The following IGF2R variants were observed in gnomAD, a reference collection of about 807,000 sequenced individuals.
IGF2R encodes the protein insulin like growth factor 2 receptor, also known as cation-independent mannose-6-phosphate receptor.
In IGF2R, 91 loss-of-function variants were observed where a neutral mutation model predicts 270.6. The ratio of observed to expected loss-of-function variants is 0.34; its 90% CI spans 0.28 to 0.40. The LOEUF (loss-of-function observed/expected upper bound fraction) is 0.40, where lower values mean the gene tolerates loss of function less well. Ranked by LOEUF, IGF2R falls within the 10% of genes least tolerant of loss-of-function variation. The probability of loss-of-function intolerance (pLI) is 1.00; values close to 1 mark genes in which losing one functional copy is unlikely to be tolerated. For synonymous variants in IGF2R, 1,316 were observed against 1,258.9 expected, an observed-to-expected ratio of 1.05 and a Z score of -0.96; for missense variants, 2,805 against 3,188.3, an observed-to-expected ratio of 0.88 and a Z score of 2.90.
chr6:160,005,153 T>C (rs1784196580), intron 2 of IGF2R: 1 of 152,290 alleles, frequency 6.6e-6, no homozygotes, highest in Non-Finnish European at 1.5e-5. Context: ...CTGGGAGCCA[T>C]GGCAGCTGAA....
At chr6:160,095,472 CT>C (rs1305573238) in intron 44 of IGF2R, 1 of 152,170 alleles carries the variant, frequency 6.6e-6, no homozygotes, top group Non-Finnish European at 1.5e-5. Context: ...GCACAAAATT[CT>C]TTATGAATTT....
intron 31 of IGF2R, among the ~76,000 whole-genome samples, 199 bp from the exon 32 acceptor site, chr6:160,071,711 G>GGGAA (rs2115274090): frequency 6.6e-6 from 1 of 152,272 alleles, no homozygotes; most frequent in South Asian, 2.1e-4. Flanking sequence ...TTACCTGCAG[G>GGGAA]GGAAGCCCAT....
At chr6:160,063,689 AT>A in intron 27 of IGF2R, 59 bp downstream of exon 27, 1 of 1,328,948 alleles carries the variant, frequency 7.5e-7, no homozygotes, top group Non-Finnish European at 1.0e-6. Flanking sequence ...ATATTAAAAT[AT>A]TTTGCTGAAG....
intron 30 of IGF2R, among the ~76,000 whole-genome samples, chr6:160,069,103 G>A (rs984581295): frequency 1.3e-5 from 2 of 152,026 alleles, no homozygotes; most frequent in Admixed American, 6.6e-5. Flanking sequence ...TTGTATGGTC[G>A]GTCCTTTTGT....
intron 21 of IGF2R, 76 bp downstream of exon 21, chr6:160,058,200 G>A (rs932361344): frequency 1.1e-6 from 1 of 948,172 alleles, no homozygotes; most frequent in Non-Finnish European, 1.7e-6. Flanking sequence ...CCTGCACGTG[G>A]TGATATGAGA....
chr6:160,076,094 A>T (rs1772017567), intron 36 of IGF2R, 98 bp downstream of exon 36: 2 of 1,172,120 alleles, frequency 1.7e-6, no homozygotes, highest in Non-Finnish European at 2.5e-6. Flanking sequence ...GGATACTCTT[A>T]TTCAAAATGT....
At chr6:160,023,308 G>A (rs1002836594) in intron 4 of IGF2R, among the ~76,000 whole-genome samples, 4 of 152,056 alleles carry the variant, frequency 2.6e-5, no homozygotes, top group Non-Finnish European at 5.9e-5. Context: ...TGGGGCAGGG[G>A]GACCTTAAGG....
rs115292577 is a variant in IGF2R, at chr6:160,080,816, A to C, written c.5833+541A>C. ...ACGGACCGTGAGATGAGGGAAATGC[A>C]TGAAAAATTACTAATTTTTGGCCAG... is the stretch of plus-strand genomic sequence containing the variant. On this transcript the variant is annotated intron_variant, in intron 39 of 47. Transcript: ENST00000356956. 7.6e-3 allele frequency among the ~76,000 whole-genome samples: 1,159 copies of C among 152,248 alleles called. 17 individuals carry two copies. The highest frequency in any genetic ancestry group is 0.027 in the African/African-American group (1,107 of 41,550).
intron 4 of IGF2R, among the ~76,000 whole-genome samples, chr6:160,015,325 G>A (rs1435648938): frequency 6.6e-6 from 1 of 152,214 alleles, no homozygotes; most frequent in East Asian, 1.9e-4. Flanking sequence ...TAATTAAAAT[G>A]ATGCCAGTGT....
chr6:160,061,628 T>C lies in IGF2R; in HGVS notation c.3388T>C (p.Tyr1130His). The C allele has an allele frequency of 6.2e-7, 1 of 1,614,162 alleles. No individual in the cohort carries two copies. Among genetic ancestry groups the C allele is most frequent in the South Asian group, 1.1e-5 (1 of 91,076 alleles). ...TTTGAGCGTTTGCAATCCTCTCCCT[T>C]ACATTCCTGGATGCCAGGGTGAGTT... ...FYLSVCNPLP[Y>H]IPGCQGSAVG... Residue 1130 changes from tyrosine to histidine, a missense_variant, in exon 24 of 48, where the codon TAC (tyrosine) becomes CAC (histidine). This residue lies in a region of IGF2R where 1,851 missense variants were observed against 2,207.2 expected (regional missense o/e 0.84). Transcript: ENST00000356956.
chr6:160,073,456 C>T lies in IGF2R; in HGVS notation c.4934C>T (p.Ala1645Val), dbSNP rs1345717154. 6.2e-7 allele frequency: 1 copy of T among 1,614,222 alleles called. No homozygotes were observed. The highest frequency in any genetic ancestry group is 8.5e-7 in the Non-Finnish European group (1 of 1,180,030). Residue 1645 changes from alanine (A) to valine (V), a missense_variant, in exon 34 of 48, where the codon GCC becomes GTC. This residue lies in a region of IGF2R where 1,851 missense variants were observed against 2,207.2 expected (regional missense o/e 0.84). Coordinates refer to ENST00000356956, the MANE Select transcript of IGF2R (RefSeq NM_000876.4). ...TLFFSWHTPL[A>V]CEQATECSVR... is the part of the protein sequence containing the mutation. ...TTCTTCTCCTGGCACACGCCGCTGGCCTGCGAGCAAGCGGTGAGTTTTCAG... is the reference window on the plus strand; with the variant it reads ...TTCTTCTCCTGGCACACGCCGCTGGTCTGCGAGCAAGCGGTGAGTTTTCAG...
chr6:160,048,408 C>G lies in IGF2R; in HGVS notation c.2379C>G (p.Asn793Lys), dbSNP rs1348760257. The G allele has an allele frequency of 1.9e-6, 3 of 1,614,210 alleles. No homozygotes were observed. The Admixed American group carries it at 5.0e-5, about 27-fold the overall frequency. ...LAKSEGGLGG[N>K]WYAMDNSGEH... ...AATCTGAAGGTGGCCTTGGAGGAAACTGGTATGCCATGGACAACTCAGGGG... is the reference window on the plus strand; with the variant it reads ...AATCTGAAGGTGGCCTTGGAGGAAAGTGGTATGCCATGGACAACTCAGGGG... The change falls in exon 18 of 48, where the codon AAC becomes AAG. Residue 793 changes from asparagine to lysine, a missense_variant. By Grantham distance (94) the Asn-to-Lys change is moderately conservative. Around this residue, in one of 2 missense-constraint regions of IGF2R, gnomAD observed 1,851 missense variants for 2,207.2 expected, o/e 0.84. Coordinates refer to ENST00000356956, the MANE Select transcript of IGF2R (RefSeq NM_000876.4).
chr6:160,086,179 G>A (rs778441703), intron 41 of IGF2R, among the ~76,000 whole-genome samples: 5 of 152,218 alleles, frequency 3.3e-5, no homozygotes, highest in Non-Finnish European at 5.9e-5. Context: ...ACTTCTTAGC[G>A]GTGACCTGCA....
chr6:160,067,748 G>A (rs954586022), intron 29 of IGF2R, among the ~76,000 whole-genome samples: 1 of 152,178 alleles, frequency 6.6e-6, no homozygotes, highest in Admixed American at 6.5e-5. Flanking sequence ...TGTAGTTAGT[G>A]AACCTTTAGC....
In IGF2R at chr6:160,060,699, G is replaced by A. The variant is rs568048161; in HGVS notation, c.3244G>A (p.Val1082Met). ...CGCGTTGGCCTGTGTTCCTTCTCCA[G>A]TGGACTGCCAAGTCACCGGTAAGGC... ...ETALACVPSP[V>M]DCQVTDLAGN... The change falls in exon 23 of 48, where the codon GTG becomes ATG. Residue 1082 changes from valine to methionine, a missense_variant. Val to Met is a conservative substitution (Grantham distance 21). Transcript: ENST00000356956. 169 of 1,614,252 alleles carry A rather than the reference G, an allele frequency of 1.0e-4. 5 individuals are homozygous for A. The South Asian group carries it at 1.4e-3, about 14-fold the overall frequency.
At chr6:160,060,409 G>A (rs1778409848) in intron 22 of IGF2R, 138 bp from the exon 23 acceptor site, 8 of 761,148 alleles carry the variant, frequency 1.1e-5, no homozygotes, top group Non-Finnish European at 1.6e-5. Flanking sequence ...CACACTTGGT[G>A]CCCTGGTGTC....
intron 12 of IGF2R, 57 bp from the exon 13 acceptor site, chr6:160,044,457 T>C (rs571224850): frequency 5.5e-5 from 24 of 435,710 alleles, no homozygotes; most frequent in African/African-American, 2.4e-4. Context: ...CACTTCTTTG[T>C]CTGCGTGATG....
intron 19 of IGF2R, among the ~76,000 whole-genome samples, chr6:160,053,796 C>T (rs187330906): frequency 4.7e-4 from 72 of 152,262 alleles, no homozygotes; most frequent in Middle Eastern, 6.8e-3. Flanking sequence ...ACTGCAGCCT[C>T]GACTTCCTGG....
chr6:160,039,325 AATACG>A (rs1309786848), intron 10 of IGF2R, among the ~76,000 whole-genome samples: 1 of 152,220 alleles, frequency 6.6e-6, no homozygotes, highest in African/African-American at 2.4e-5. Context: ...GTCCACTAAA[AATACG>A]ATACTATAAT....
Sources: allele counts gnomAD v4.1 joint callset (sites outside exome capture counted in the v4.1 genomes callset), GRCh38; gene constraint gnomAD v4.1.1; regional missense constraint gnomAD v4.1.1; transcripts MANE v1.5; gene names NCBI Gene and HGNC (gene_info 2026-07-23, HGNC 2026-07-21).